Variants in ZNF518A observed in about 807,000 individuals in gnomAD.
ZNF518A encodes zinc finger protein 518A.
In ZNF518A, 47 loss-of-function variants were observed where a neutral mutation model predicts 102.7. The observed-to-expected ratio is 0.46, with a 90% CI of 0.36 to 0.58. The LOEUF (loss-of-function observed/expected upper bound fraction) is 0.58. Among genes scored for constraint, ZNF518A ranks in the 20% least tolerant of loss-of-function variants. ZNF518A has a pLI of 0.00. For synonymous variants in ZNF518A, 652 were observed against 594.6 expected (o/e 1.10, Z -1.40); for missense variants, 1,793 against 1,699.8 (o/e 1.05, Z -0.96).
In ZNF518A at chr10:96,159,543, C is replaced by G. The variant is rs1554886223; in HGVS notation, c.3221C>G (p.Thr1074Ser). The G allele has an allele frequency of 1.2e-6, 2 of 1,613,886 alleles. No individual in the cohort carries two copies. The highest frequency in any genetic ancestry group is 1.7e-6 in the Non-Finnish European group (2 of 1,179,800). The change falls in exon 6 of 6, where the codon ACT (threonine) becomes AGT (serine). Residue 1074 changes from threonine to serine, a missense_variant. Physicochemically the swap from Thr to Ser is moderately conservative, Grantham distance 58. Around this residue, in one of 3 missense-constraint regions of ZNF518A, gnomAD observed 1,741 missense variants for 1,622.6 expected, o/e 1.07. Coordinates refer to ENST00000316045, the MANE Select transcript of ZNF518A (RefSeq NM_001330736.2). ...IPNMLSEQQS[T>S]KLNISDSVKQ... is the part of the protein sequence containing the mutation. ...AACATGCTATCTGAGCAACAGAGCA[C>G]TAAGTTGAATATCTCCGATTCAGTA... is the stretch of plus-strand genomic sequence containing the variant.
downstream of ZNF518A, among the ~76,000 whole-genome samples, chr10:96,167,242 C>CT (rs1554890472): frequency 6.6e-6 from 1 of 152,138 alleles, no homozygotes; most frequent in Non-Finnish European, 1.5e-5. Context: ...GGGTGGATCA[C>CT]TTGAGGCCAG....
chr10:96,141,981 G>C (rs1200570034), intron 3 of ZNF518A, among the ~76,000 whole-genome samples: 3 of 152,070 alleles, frequency 2.0e-5, no homozygotes, highest in African/African-American at 7.2e-5. Context: ...GACTCAAGCA[G>C]TTCTCCTGCC....
In ZNF518A at chr10:96,157,655, A is replaced by T. The variant is rs1232772336; in HGVS notation, c.1333A>T (p.Met445Leu). 1 of 1,613,784 alleles carries T rather than the reference A, an allele frequency of 6.2e-7. No individual in the cohort carries two copies. The highest frequency in any genetic ancestry group is 8.5e-7 in the Non-Finnish European group (1 of 1,179,802). ...TTCCCCTAACTATAATGCTACGTTT[A>T]TGGGCTTCAAGATGATGGATGGAAA... is the stretch of plus-strand genomic sequence containing the variant. ...AVSPNYNATFMGFKMMDGKQH... is the reference protein window; with the variant it reads ...AVSPNYNATFLGFKMMDGKQH... Residue 445 changes from methionine to leucine, a missense_variant, in exon 6 of 6, where the codon ATG becomes TTG. This residue lies in a region of ZNF518A where 1,741 missense variants were observed against 1,622.6 expected (regional missense o/e 1.07). Coordinates refer to ENST00000316045, the MANE Select transcript of ZNF518A (RefSeq NM_001330736.2).
intron 3 of ZNF518A, among the ~76,000 whole-genome samples, chr10:96,149,231 T>C (rs1403171761): frequency 6.6e-6 from 1 of 152,232 alleles, no homozygotes; most frequent in Non-Finnish European, 1.5e-5. Flanking sequence ...TGGTGATAGA[T>C]GGCTTATGGG....
Position 96,158,936 on chromosome 10 carries a change from G to A in ZNF518A, c.2614G>A (p.Val872Met). ...EKQVSSIPQD[V>M]RDSEKMPRIS... is the part of the protein sequence containing the mutation. ...ACAAGTGTCATCAATACCACAAGAT[G>A]TGAGAGATTCAGAGAAGATGCCTAG... The change falls in exon 6 of 6, where the codon GTG becomes ATG. Residue 872 changes from valine to methionine, a missense_variant. Coordinates refer to ENST00000316045, the MANE Select transcript of ZNF518A (RefSeq NM_001330736.2). 1 of 1,613,620 alleles carries A rather than the reference G, an allele frequency of 6.2e-7. No individual in the cohort carries two copies. The highest frequency in any genetic ancestry group is 1.1e-5 in the South Asian group (1 of 91,030).
Position 96,130,408 on chromosome 10 carries a change from T to G in ZNF518A, c.-797T>G, listed in dbSNP as rs1554871047. Among the ~76,000 whole-genome samples, 1 of 152,236 alleles carries G rather than the reference T, an allele frequency of 6.6e-6. No individual in the cohort carries two copies. The highest frequency in any genetic ancestry group is 1.5e-5 in the Non-Finnish European group (1 of 68,046). Reference sequence around the variant, plus strand: ...ACCTGGGGTTGTTTTACTTCCGGGCTTTTTGAACTCTACACTCTCCTACAT... The same window carrying G: ...ACCTGGGGTTGTTTTACTTCCGGGCGTTTTGAACTCTACACTCTCCTACAT... On this transcript the variant is annotated 5_prime_UTR_variant, in exon 1 of 6. Coordinates refer to ENST00000316045, the MANE Select transcript of ZNF518A (RefSeq NM_001330736.2).
At position 96,157,080 on chromosome 10, in the gene ZNF518A, T is replaced by G. The variant is rs1440145328; in HGVS notation, c.758T>G (p.Leu253Arg). Residue 253 changes from leucine to arginine, a missense_variant, in exon 6 of 6, where the codon CTT becomes CGT. Leu to Arg is a moderately radical substitution (Grantham distance 102). Transcript: ENST00000316045. ...ACCAAAGGAGAGCTTCAGAAGCACCTTCATATTCATTCTGGTACTTTTCCC... is the reference window on the plus strand; with the variant it reads ...ACCAAAGGAGAGCTTCAGAAGCACCGTCATATTCATTCTGGTACTTTTCCC... ...CFTKGELQKH[L>R]HIHSGTFPFT... The G allele has an allele frequency of 1.9e-6, 3 of 1,613,590 alleles. No homozygotes were observed. The highest frequency in any genetic ancestry group is 2.5e-6 in the Non-Finnish European group (3 of 1,179,740).
chr10:96,130,029 C>T (rs1428257601), upstream of ZNF518A: 3 of 152,760 alleles, frequency 2.0e-5, no homozygotes, highest in South Asian at 2.1e-4. Flanking sequence ...CGTGCGCTCC[C>T]GGTAGCGCTG....
intron 1 of ZNF518A, among the ~76,000 whole-genome samples, chr10:96,193,027 A>G (rs587672088): frequency 6.6e-6 from 1 of 152,314 alleles, no homozygotes; most frequent in African/African-American, 2.4e-5. Context: ...AAGTAGCTAC[A>G]TATTGAATAA....
chr10:96,136,393 A>G (rs1287134736), intron 3 of ZNF518A, among the ~76,000 whole-genome samples: 2 of 149,930 alleles, frequency 1.3e-5, no homozygotes, highest in Admixed American at 6.6e-5. Context: ...AATGTTATAT[A>G]TATTTATTTA....
At chr10:96,166,938 G>C (rs1554890443), downstream of ZNF518A, among the ~76,000 whole-genome samples, 1 of 152,136 alleles carries the variant, frequency 6.6e-6, no homozygotes, top group African/African-American at 2.4e-5. Flanking sequence ...AACTCCTTAA[G>C]TAGTGAAAGC....
chr10:96,179,281 T>A (rs2083224499), intron 1 of ZNF518A, among the ~76,000 whole-genome samples: 1 of 152,120 alleles, frequency 6.6e-6, no homozygotes, highest in African/African-American at 2.4e-5. Context: ...CTAGAAAATA[T>A]AACATTTTTA....
intron 3 of ZNF518A, among the ~76,000 whole-genome samples, chr10:96,145,987 G>A (rs2082154004): frequency 6.6e-6 from 1 of 152,108 alleles, no homozygotes; most frequent in African/African-American, 2.4e-5. Flanking sequence ...TGATCACTAG[G>A]AACATTTTTG....
intron 1 of ZNF518A, among the ~76,000 whole-genome samples, chr10:96,202,318 G>A (rs1163143212): frequency 7.2e-5 from 11 of 152,200 alleles, no homozygotes; most frequent in Admixed American, 7.2e-4. Context: ...GGCAACAGCA[G>A]AGTGGGGGAG....
At chr10:96,190,324 C>G in intron 1 of ZNF518A, 2 of 579,202 alleles carry the variant, frequency 3.5e-6, no homozygotes, top group Non-Finnish European at 6.3e-6. Context: ...TAGTATTGTT[C>G]CTGTGTGTCT....
In ZNF518A at chr10:96,158,587, T is replaced by C. The variant is rs1554884814; in HGVS notation, c.2265T>C (p.Asn755=). Residue 755 remains asparagine (N), a synonymous_variant, in exon 6 of 6, where the codon AAT becomes AAC. Transcript: ENST00000316045. ...TEKSKWEDFS[N]VDSPMMPRIT... ...AATCTAAATGGGAAGACTTTTCTAA[T>C]GTCGATTCACCTATGATGCCTAGAA... 6.2e-7 allele frequency: 1 copy of C among 1,613,326 alleles called. No individual in the cohort carries two copies. Among genetic ancestry groups the C allele is most frequent in the South Asian group, 1.1e-5 (1 of 91,022 alleles).
intron 3 of ZNF518A, among the ~76,000 whole-genome samples, chr10:96,141,103 T>C (rs2081901986): frequency 6.6e-6 from 1 of 152,206 alleles, no homozygotes; most frequent in Non-Finnish European, 1.5e-5. Flanking sequence ...AATGAGAGAA[T>C]GAATAGCTTA....
At position 96,150,050 on chromosome 10, in the gene ZNF518A, C is replaced by T. The variant is rs1554879862; in HGVS notation, c.-301-5276C>T. Among the ~76,000 whole-genome samples the T allele has an allele frequency of 3.3e-5, 5 of 151,560 alleles. 1 individual carries two copies. The highest frequency in any genetic ancestry group is 4.2e-4 in the South Asian group (2 of 4,794). On this transcript the variant is annotated intron_variant, in intron 3 of 5. Coordinates refer to ENST00000316045, the MANE Select transcript of ZNF518A (RefSeq NM_001330736.2). ...GATTAATATTGGTGTCTGGGCCGGG[C>T]GTGGTGGCTCACGGCTGTAATCTGA...
intron 3 of ZNF518A, among the ~76,000 whole-genome samples, chr10:96,142,791 C>G (rs2081997929): frequency 6.6e-6 from 1 of 151,424 alleles, no homozygotes; most frequent in Non-Finnish European, 1.5e-5. Flanking sequence ...CTTTCCGGAC[C>G]CAATGTGTGA....
Sources: gnomAD v4.1 joint callset for allele counts (sites outside exome capture counted in the v4.1 genomes callset) on GRCh38, gnomAD v4.1.1 for gene constraint, gnomAD v4.1.1 regional missense constraint, MANE v1.5 for transcripts, NCBI Gene and HGNC (gene_info 2026-07-23, HGNC 2026-07-21) for gene names.